The following ARID1B variants were observed in gnomAD, a reference collection of about 807,000 sequenced individuals.
The protein encoded by ARID1B is AT-rich interaction domain 1B.
ARID1B carries 30 observed loss-of-function variants against 212.3 expected under a neutral mutation model. The ratio of observed to expected loss-of-function variants is 0.14; its 90% CI spans 0.11 to 0.19. ARID1B has a LOEUF of 0.19. Among genes scored for constraint, ARID1B ranks in the 10% least tolerant of loss-of-function variants. The probability of loss-of-function intolerance (pLI) is 1.00; values close to 1 mark genes in which losing one functional copy is unlikely to be tolerated. For missense variants in ARID1B, 2,891 were observed against 3,204.0 expected (o/e 0.90, Z 2.36); for synonymous variants, 1,402 against 1,301.7 (o/e 1.08, Z -1.66).
chr6:157,133,210 A>G lies in ARID1B; in HGVS notation c.2761+3A>G, dbSNP rs754821973. On this transcript the variant is annotated splice_donor_region_variant and intron_variant, in intron 7 of 19. Coordinates refer to ENST00000636930, the MANE Select transcript of ARID1B (RefSeq NM_001374828.1). The stretch of plus-strand genomic sequence containing the variant: ...GATGAGCCAGTATGGACCACAAGGT[A>G]AAACCAAAGCTTCTCCAAAATGCAT... 1.3e-6 allele frequency: 2 copies of G among 1,586,656 alleles called. No homozygotes were observed. Among genetic ancestry groups the G allele is most frequent in the Admixed American group, 1.9e-5 (1 of 53,038 alleles).
At chr6:157,033,818 A>G (rs1185422856) in intron 4 of ARID1B, among the ~76,000 whole-genome samples, 3 of 152,214 alleles carry the variant, frequency 2.0e-5, no homozygotes, top group Non-Finnish European at 4.4e-5. Flanking sequence ...AACATTTGAA[A>G]TAAGTGTGAG....
At chr6:157,076,519 G>A (rs1202819355) in intron 4 of ARID1B, among the ~76,000 whole-genome samples, 1 of 124,926 alleles carries the variant, frequency 8.0e-6, no homozygotes, top group African/African-American at 2.6e-5. Context: ...TACTACTGAA[G>A]AAATGAATGT....
chr6:156,960,317 C>A (rs1193965019), intron 4 of ARID1B, among the ~76,000 whole-genome samples: 1 of 152,076 alleles, frequency 6.6e-6, no homozygotes, highest in East Asian at 1.9e-4. Flanking sequence ...TGTCCTGCAG[C>A]ATCTGTTTGT....
intron 6 of ARID1B, chr6:157,111,326 T>G (rs1013576657): frequency 9.8e-5 from 15 of 152,324 alleles, no homozygotes; most frequent in African/African-American, 3.6e-4. Flanking sequence ...AAAGCTACTC[T>G]TGGTGGTGGT....
Position 157,148,641 on chromosome 6 carries a change from C to G in ARID1B, c.2779C>G (p.Pro927Ala), listed in dbSNP as rs1479869810. ...YGPQGNYSRP[P>A]AYSGVPSASY... Reference sequence around the variant, plus strand: ...TTGTTTAGGTAACTACTCCAGACCCCCAGCGTATAGTGGGGTGCCCAGTGC... The same window carrying G: ...TTGTTTAGGTAACTACTCCAGACCCGCAGCGTATAGTGGGGTGCCCAGTGC... The change falls in exon 8 of 20, where the codon CCA (proline) becomes GCA (alanine). Residue 927 changes from proline to alanine, a missense_variant. Pro to Ala is a conservative substitution (Grantham distance 27, BLOSUM62 -1). Transcript: ENST00000636930. This position sits in a 1 kb window ranked among gnomAD's most constrained non-coding sequence, Gnocchi z 5.6. 4 of 1,589,630 alleles carry G rather than the reference C, an allele frequency of 2.5e-6. 1 individual carries two copies. The highest frequency in any genetic ancestry group is 3.4e-5 in the Admixed American group (2 of 59,604).
Position 157,004,897 on chromosome 6 carries a change from C to CTTTTTTGTT in ARID1B, c.2247+69327_2247+69328insGTTTTTTTT, listed in dbSNP as rs1562542228. ...TTTTTTCTTTTTCTTCTTCTTTTTT[C>CTTTTTTGTT]TTTTTTTTTTTTTTTTTTTTTTTTT... On this transcript the variant is annotated intron_variant, in intron 4 of 19. Coordinates refer to ENST00000636930, the MANE Select transcript of ARID1B (RefSeq NM_001374828.1). 4.4e-3 allele frequency among the ~76,000 whole-genome samples: 243 copies of CTTTTTTGTT among 54,712 alleles called. 12 individuals carry two copies. The highest frequency in any genetic ancestry group is 5.2e-3 in the Non-Finnish European group (143 of 27,304). The allele number at this position is 54,712 out of a possible 152,430, so 35.9% of individuals were successfully genotyped here.
At chr6:156,902,988 AAAATTTAAGGAG>A (rs1317395249) in intron 3 of ARID1B, among the ~76,000 whole-genome samples, 1 of 152,162 alleles carries the variant, frequency 6.6e-6, no homozygotes, top group African/African-American at 2.4e-5. Flanking sequence ...TCATGTCATC[AAAATTTAAGGAG>A]TCAATAGATA....
chr6:156,930,242 T>C (rs1791588504), intron 3 of ARID1B, among the ~76,000 whole-genome samples: 1 of 152,210 alleles, frequency 6.6e-6, no homozygotes, highest in Non-Finnish European at 1.5e-5. Context: ...GACCATCCTC[T>C]TGGTGCTGTT....
At chr6:157,106,067 C>T (rs1786456653) in intron 5 of ARID1B, among the ~76,000 whole-genome samples, 2 of 152,230 alleles carry the variant, frequency 1.3e-5, no homozygotes, top group Admixed American at 1.3e-4. Context: ...AGGGAATTTT[C>T]CCTGAACATA....
At chr6:156,873,958 C>T (rs1470397084) in intron 2 of ARID1B, among the ~76,000 whole-genome samples, 2 of 152,226 alleles carry the variant, frequency 1.3e-5, no homozygotes, top group Non-Finnish European at 2.9e-5. Flanking sequence ...GCTTTGCCCA[C>T]ATCTTCTCTT....
At chr6:157,005,928 G>A (rs1779228061) in intron 4 of ARID1B, among the ~76,000 whole-genome samples, 1 of 151,958 alleles carries the variant, frequency 6.6e-6, no homozygotes, top group South Asian at 2.1e-4. Flanking sequence ...GGAAATGTAT[G>A]CCATAGCGAC....
intron 4 of ARID1B, among the ~76,000 whole-genome samples, chr6:157,062,485 C>T (rs1221530641): frequency 6.6e-6 from 1 of 152,014 alleles, no homozygotes; most frequent in East Asian, 1.9e-4. Context: ...AAGTGTGAGC[C>T]ACCGAACATG....
chr6:156,880,425 G>A (rs768372187), intron 2 of ARID1B, among the ~76,000 whole-genome samples: 2 of 152,290 alleles, frequency 1.3e-5, no homozygotes, highest in African/African-American at 4.8e-5. Flanking sequence ...TAGATTTATT[G>A]TGTAAGTTTT....
chr6:156,857,765 A>G (rs914322610), intron 2 of ARID1B, among the ~76,000 whole-genome samples: 5 of 152,226 alleles, frequency 3.3e-5, no homozygotes, highest in Non-Finnish European at 7.3e-5. Context: ...CAGTGTAGTC[A>G]TTGTGTGAAC....
chr6:156,799,599 C>T (rs1223216898), intron 1 of ARID1B, among the ~76,000 whole-genome samples: 1 of 152,324 alleles, frequency 6.6e-6, no homozygotes, highest in African/African-American at 2.4e-5. Flanking sequence ...GCCTCAGCCT[C>T]CCTTGTAGCT....
At chr6:156,989,267 A>G (rs9384524) in intron 4 of ARID1B, among the ~76,000 whole-genome samples, 41,771 of 152,096 alleles carry the variant, frequency 0.27, 6,960 homozygotes, top group African/African-American at 0.46. Flanking sequence ...CACTGCTGGG[A>G]CAAAATTTCA....
intron 2 of ARID1B, among the ~76,000 whole-genome samples, chr6:156,841,905 G>A (rs138140237): frequency 6.7e-4 from 102 of 152,304 alleles, no homozygotes; most frequent in African/African-American, 2.2e-3. Context: ...CTGGGCGCAC[G>A]CTAGCACTGT....
chr6:157,123,910 T>C (rs539715488), intron 6 of ARID1B, among the ~76,000 whole-genome samples: 10 of 152,328 alleles, frequency 6.6e-5, no homozygotes, highest in African/African-American at 2.4e-4. Flanking sequence ...GCTGAACTAG[T>C]AAGTGGTGAA....
intron 5 of ARID1B, among the ~76,000 whole-genome samples, chr6:157,086,180 A>T (rs554678474): frequency 6.6e-6 from 1 of 152,312 alleles, no homozygotes; most frequent in Admixed American, 6.5e-5. Context: ...TGGTCAACCC[A>T]CTTGTAGTGT....
Sources: allele counts gnomAD v4.1 joint callset (sites outside exome capture counted in the v4.1 genomes callset), GRCh38; gene constraint gnomAD v4.1.1; non-coding constraint Gnocchi (gnomAD v3.1); transcripts MANE v1.5; gene names NCBI Gene and HGNC (gene_info 2026-07-23, HGNC 2026-07-21).